The following PPHLN1 variants were observed in gnomAD, a reference collection of about 807,000 sequenced individuals.
PPHLN1 encodes periphilin-1.
A neutral mutation model predicts 51.3 loss-of-function variants in PPHLN1; 29 were observed. The ratio of observed to expected loss-of-function variants is 0.57; its 90% CI spans 0.42 to 0.77. The LOEUF (loss-of-function observed/expected upper bound fraction) is 0.77, where lower values mean the gene tolerates loss of function less well. Among genes scored for constraint, PPHLN1 ranks in the 30% least tolerant of loss-of-function variants. The pLI is 0.00. For missense variants in PPHLN1, 436 were observed against 438.4 expected (o/e 0.99, Z 0.05); for synonymous variants, 147 against 147.8 (o/e 0.99, Z 0.04).
At chr12:42,445,074 A>C (rs1265475029), downstream of PPHLN1, 2 of 702,036 alleles carry the variant, frequency 2.8e-6, no homozygotes, top group Admixed American at 4.0e-5. Flanking sequence ...CATTAAGTCT[A>C]CTCTCGAGCC....
intron 4 of PPHLN1, among the ~76,000 whole-genome samples, chr12:42,372,522 G>T (rs888472832): frequency 1.3e-5 from 2 of 152,032 alleles, no homozygotes; most frequent in Non-Finnish European, 2.9e-5. Flanking sequence ...TTCCTTGTTG[G>T]AATACTCTTT....
At chr12:42,432,389 A>C in intron 9 of PPHLN1, 1 of 753,238 alleles carries the variant, frequency 1.3e-6, no homozygotes, top group Non-Finnish European at 2.5e-6. Flanking sequence ...CTCTAAAAGA[A>C]CTTGCACATT....
chr12:42,374,782 T>C (rs940583661), intron 4 of PPHLN1, 81 bp from the exon 5 acceptor site: 3 of 1,194,666 alleles, frequency 2.5e-6, no homozygotes, highest in Non-Finnish European at 3.5e-6. Context: ...GGGTAGCTTA[T>C]AAGCAGAGCT....
At chr12:42,430,097 T>C (rs1209944715) in intron 9 of PPHLN1, among the ~76,000 whole-genome samples, 1 of 152,110 alleles carries the variant, frequency 6.6e-6, no homozygotes, top group African/African-American at 2.4e-5. Context: ...AAACCAACCA[T>C]GTGTTTAGAG....
chr12:42,430,490 T>TG (rs2081945463), intron 9 of PPHLN1, among the ~76,000 whole-genome samples: 2 of 149,962 alleles, frequency 1.3e-5, no homozygotes, highest in South Asian at 2.1e-4. Context: ...CTATATTCTT[T>TG]TTTTGGTTTT....
intron 8 of PPHLN1, chr12:42,398,648 T>TA (rs993491034): frequency 0.041 from 13,841 of 339,102 alleles, no homozygotes; most frequent in Middle Eastern, 0.062. Context: ...TGTTCCATAT[T>TA]AAAAAAAAAA....
At chr12:42,417,949 T>TG (rs1384001256) in intron 9 of PPHLN1, among the ~76,000 whole-genome samples, 3 of 116,468 alleles carry the variant, frequency 2.6e-5, no homozygotes, top group East Asian at 2.5e-4. Context: ...TTTTGTTTTT[T>TG]TTTTTTTTGA....
intron 2 of PPHLN1, among the ~76,000 whole-genome samples, chr12:42,342,780 A>T (rs1249441912): frequency 2.6e-4 from 39 of 152,216 alleles, no homozygotes. Context: ...AACAATATTG[A>T]CTAGTAGTGA....
intron 9 of PPHLN1, among the ~76,000 whole-genome samples, chr12:42,424,161 G>A (rs2081230451): frequency 6.6e-6 from 1 of 152,200 alleles, no homozygotes; most frequent in South Asian, 2.1e-4. Flanking sequence ...GCACAGGCCT[G>A]CACTGCTCCC....
intron 9 of PPHLN1, among the ~76,000 whole-genome samples, chr12:42,401,844 G>T (rs1007739214): frequency 1.3e-5 from 2 of 150,328 alleles, no homozygotes; most frequent in African/African-American, 2.5e-5. Flanking sequence ...GGTGTTTTTT[G>T]TTGTTGTTTG....
chr12:42,341,913 G>A (rs932985487), intron 2 of PPHLN1, among the ~76,000 whole-genome samples: 3 of 152,160 alleles, frequency 2.0e-5, no homozygotes. Context: ...GAGCCATCGC[G>A]CCCAGGCGCT....
At chr12:42,381,157 T>C (rs1364642012) in intron 5 of PPHLN1, among the ~76,000 whole-genome samples, 7 of 152,232 alleles carry the variant, frequency 4.6e-5, no homozygotes, top group Non-Finnish European at 7.3e-5. Flanking sequence ...ATTAATGCAC[T>C]GTTGAATTAG....
intron 1 of PPHLN1, among the ~76,000 whole-genome samples, chr12:42,327,172 T>G (rs778460969): frequency 6.6e-6 from 1 of 152,360 alleles, no homozygotes; most frequent in Non-Finnish European, 1.5e-5. Flanking sequence ...CATGCTGCTT[T>G]GTGCTTTCTT....
Position 42,389,396 on chromosome 12 carries a change from CAAA to C in PPHLN1, c.648+1870_648+1872del, listed in dbSNP as rs201952965. On this transcript the variant is annotated intron_variant, in intron 7 of 9. Coordinates refer to ENST00000358314, the MANE Select transcript of PPHLN1 (RefSeq NM_201439.2). Reference sequence around the variant, plus strand: ...CAAAACAAAAACAAAAATAAACAAACAAAAAAAAAAACAATTAGCCGGGTGTGG... The same window carrying C: ...CAAAACAAAAACAAAAATAAACAAACAAAAAAAACAATTAGCCGGGTGTGG... 2.4e-3 allele frequency among the ~76,000 whole-genome samples: 253 copies of C among 104,178 alleles called. 7 individuals carry two copies. The East Asian group carries it at 0.055, about 23-fold the overall frequency. 68.3% of individuals were successfully genotyped at this position (104,178 alleles called of 152,430 possible).
At chr12:42,343,696 T>TA (rs2071830321) in intron 2 of PPHLN1, 1 of 266,994 alleles carries the variant, frequency 3.7e-6, no homozygotes, top group African/African-American at 2.3e-5. Flanking sequence ...CCCTAAGAGG[T>TA]GTTTTACTTT....
intron 8 of PPHLN1, among the ~76,000 whole-genome samples, chr12:42,394,370 T>G (rs1020102412): frequency 1.6e-4 from 25 of 152,150 alleles, no homozygotes; most frequent in Non-Finnish European, 3.4e-4. Context: ...AGGTAGAGAA[T>G]ATAAAAATCC....
intron 4 of PPHLN1, among the ~76,000 whole-genome samples, chr12:42,373,892 T>C (rs1165305244): frequency 6.6e-6 from 1 of 152,212 alleles, no homozygotes; most frequent in Admixed American, 6.5e-5. Context: ...AATAGGTATA[T>C]AGCAGGGTTT....
At chr12:42,418,189 C>G (rs1003706318) in intron 9 of PPHLN1, among the ~76,000 whole-genome samples, 27 of 146,088 alleles carry the variant, frequency 1.8e-4, no homozygotes, top group African/African-American at 6.6e-4. Flanking sequence ...TCTGCCCCGC[C>G]TCGACCACTG....
chr12:42,415,959 C>G (rs548206724), intron 9 of PPHLN1, among the ~76,000 whole-genome samples: 2 of 152,054 alleles, frequency 1.3e-5, no homozygotes, highest in Non-Finnish European at 2.9e-5. Context: ...CCAGTTAGAA[C>G]CAAAGAAGGC....
Sources: allele counts gnomAD v4.1 joint callset (sites outside exome capture counted in the v4.1 genomes callset), GRCh38; gene constraint gnomAD v4.1.1; transcripts MANE v1.5; gene names NCBI Gene and HGNC (gene_info 2026-07-23, HGNC 2026-07-21).